NAV3: variants seen among roughly 807,000 people sequenced by gnomAD.
NAV3 encodes the protein pore membrane and/or filament interacting like protein 1.
In NAV3, 87 loss-of-function variants were observed where a neutral mutation model predicts 244.7. The ratio of observed to expected loss-of-function variants is 0.36; its 90% confidence interval spans 0.30 to 0.42. The LOEUF (loss-of-function observed/expected upper bound fraction) is 0.42, where lower values mean the gene tolerates loss of function less well. Among genes scored for constraint, NAV3 ranks in the 20% least tolerant of loss-of-function variants. NAV3 has a pLI of 1.00. For synonymous variants in NAV3, 1,126 were observed against 1,042.2 expected (o/e 1.08, Z -1.55); for missense variants, 2,663 against 2,893.3 (o/e 0.92, Z 1.83).
At chr12:78,169,640 G>T (rs956851186) in intron 24 of NAV3, among the ~76,000 whole-genome samples, 2 of 151,572 alleles carry the variant, frequency 1.3e-5, no homozygotes, top group African/African-American at 4.8e-5. Context: ...ATTTCCAGAA[G>T]AATTCTGAGA....
intron 2 of NAV3, among the ~76,000 whole-genome samples, chr12:77,598,605 G>A (rs1382590522): frequency 6.6e-6 from 1 of 151,882 alleles, no homozygotes. Context: ...GCAAAAATCT[G>A]CATATCTTTA....
At chr12:78,044,355 C>T (rs940164826) in intron 9 of NAV3, among the ~76,000 whole-genome samples, 5 of 152,160 alleles carry the variant, frequency 3.3e-5, no homozygotes, top group African/African-American at 1.2e-4. Flanking sequence ...ACTTTGAAGT[C>T]AGGTAGCATG....
intron 5 of NAV3, among the ~76,000 whole-genome samples, chr12:77,982,225 G>GCAGATGGCTTAATAGAC (rs1336533710): frequency 2.8e-4 from 17 of 61,776 alleles, no homozygotes; most frequent in South Asian, 6.4e-4. Flanking sequence ...CTTAATGAAA[G>GCAGATGGCTTAATAGAC]ATGATTTGTT....
rs551569601 is a variant in NAV3, at chr12:77,706,688, G to C, written c.72+134422G>C. Among the ~76,000 whole-genome samples the C allele has an allele frequency of 1.1e-3, 162 of 150,506 alleles. 6 individuals are homozygous for C. Among genetic ancestry groups the C allele is most frequent in the African/African-American group, 3.6e-3 (147 of 40,380 alleles). ...GATCGAGACCATCCTGGCTAACACG[G>C]TGAAACCCCGTCTCTAATAAAAATA... On this transcript the variant is annotated intron_variant, in intron 2 of 8. Coordinates refer to the NAV3 transcript ENST00000550042.
intron 12 of NAV3, among the ~76,000 whole-genome samples, chr12:78,069,344 C>A (rs1400833855): frequency 1.3e-5 from 2 of 151,710 alleles, no homozygotes; most frequent in Admixed American, 1.3e-4. Flanking sequence ...AATGAAAATT[C>A]ACAGAGTATA....
intron 5 of NAV3, among the ~76,000 whole-genome samples, chr12:77,978,684 CA>C (rs1187951131): frequency 5.3e-5 from 8 of 151,802 alleles, no homozygotes; most frequent in African/African-American, 1.7e-4. Flanking sequence ...TATAAAAAAG[CA>C]GATTAATAAA....
intron 33 of NAV3, among the ~76,000 whole-genome samples, chr12:78,189,120 C>T (rs1241100130): frequency 6.6e-6 from 1 of 151,840 alleles, no homozygotes; most frequent in African/African-American, 2.4e-5. Flanking sequence ...TCCAAAGTTA[C>T]ATATTCATTG....
chr12:78,193,088 T>C (rs1959054796), intron 34 of NAV3, among the ~76,000 whole-genome samples: 1 of 152,344 alleles, frequency 6.6e-6, no homozygotes, highest in South Asian at 2.1e-4. Context: ...CATTTTATGC[T>C]GTGCCATAGA....
rs561362867 is a variant in NAV3 at position 78,171,544 on chromosome 12, C to T, written c.4981+2678C>T. Among the ~76,000 whole-genome samples the T allele has an allele frequency of 2.4e-4, 37 of 151,370 alleles. No homozygotes were observed. The South Asian group carries it at 7.5e-3, about 31-fold the overall frequency. Reference sequence around the variant, plus strand: ...GCTAGGTTTTAAAACTAACAAAAACCATGGTTATAAAGGTTTGAATATATA... The same window carrying T: ...GCTAGGTTTTAAAACTAACAAAAACTATGGTTATAAAGGTTTGAATATATA... On this transcript the variant is annotated intron_variant, in intron 24 of 39. Coordinates refer to ENST00000397909, the MANE Select transcript of NAV3 (RefSeq NM_001024383.2).
intron 3 of NAV3, among the ~76,000 whole-genome samples, chr12:77,946,239 A>ATGTGTG (rs763160031): frequency 3.6e-5 from 4 of 112,626 alleles, no homozygotes; most frequent in African/African-American, 1.1e-4. Flanking sequence ...ATATGTGCGT[A>ATGTGTG]TGTGTGTGTG....
Position 78,014,686 on chromosome 12 carries a change from C to T in NAV3, c.1908-7061C>T, listed in dbSNP as rs573472432. ...AAAACATTAGTTTTGAAAATGCTTACTCACAAGGTTTTAAGTTTGGCTTAT... is the reference window on the plus strand; with the variant it reads ...AAAACATTAGTTTTGAAAATGCTTATTCACAAGGTTTTAAGTTTGGCTTAT... On this transcript the variant is annotated intron_variant, in intron 8 of 39. Transcript: ENST00000397909. 1.6e-4 allele frequency among the ~76,000 whole-genome samples: 25 copies of T among 152,178 alleles called. No individual in the cohort carries two copies. The South Asian group carries it at 5.0e-3, about 30-fold the overall frequency.
At chr12:77,647,911 T>C (rs181309885) in intron 2 of NAV3, among the ~76,000 whole-genome samples, 1 of 152,268 alleles carries the variant, frequency 6.6e-6, no homozygotes, top group African/African-American at 2.4e-5. Context: ...TGTACATCTC[T>C]ACTTCTCCTT....
chr12:78,126,502 C>T (rs1055792496), intron 16 of NAV3, among the ~76,000 whole-genome samples: 68 of 152,188 alleles, frequency 4.5e-4, no homozygotes, highest in African/African-American at 1.6e-3. Flanking sequence ...GCTTTTCATT[C>T]CTTCTTGTTA....
chr12:77,883,383 A>G (rs2136641172), intron 1 of NAV3, among the ~76,000 whole-genome samples: 1 of 152,216 alleles, frequency 6.6e-6, no homozygotes, highest in South Asian at 2.1e-4. Context: ...CTGAGAGCTA[A>G]ACGTTGAGCA....
chr12:77,742,870 A>T (rs1279291817), intron 2 of NAV3, among the ~76,000 whole-genome samples: 1 of 152,010 alleles, frequency 6.6e-6, no homozygotes, highest in Non-Finnish European at 1.5e-5. Flanking sequence ...TCAATTGCAA[A>T]TAAAAAAAAG....
chr12:77,932,132 G>A (rs1888869136), intron 1 of NAV3, among the ~76,000 whole-genome samples: 2 of 152,072 alleles, frequency 1.3e-5, no homozygotes, highest in African/African-American at 4.8e-5. Context: ...AGGAGAGGGT[G>A]CCAGGGAAGC....
chr12:77,968,442 G>A, intron 4 of NAV3, 77 bp from the exon 5 acceptor site: 1 of 1,126,328 alleles, frequency 8.9e-7, no homozygotes. Flanking sequence ...TTTATTTCAA[G>A]AGAAATGCAT....
At chr12:78,082,527 C>T (rs539849313) in intron 12 of NAV3, among the ~76,000 whole-genome samples, 4 of 152,094 alleles carry the variant, frequency 2.6e-5, no homozygotes, top group East Asian at 1.9e-4. Flanking sequence ...GTTTTAAGCA[C>T]GCTGTGTATG....
At chr12:77,805,262 C>T (rs1592698489) in intron 2 of NAV3, among the ~76,000 whole-genome samples, 1 of 152,316 alleles carries the variant, frequency 6.6e-6, no homozygotes, top group East Asian at 1.9e-4. Flanking sequence ...AAAGGAAATG[C>T]TTCCAGCTTT....
Sources: allele counts gnomAD v4.1 joint callset (sites outside exome capture counted in the v4.1 genomes callset), GRCh38; gene constraint gnomAD v4.1.1; transcripts MANE v1.5; gene names NCBI Gene and HGNC (gene_info 2026-07-23, HGNC 2026-07-21).